ZBBX: variants seen among roughly 807,000 people sequenced by gnomAD.
The protein encoded by ZBBX is zinc finger B-box domain containing, also known as zinc finger B-box domain-containing protein 1.
A neutral mutation model predicts 108.5 loss-of-function variants in ZBBX; 101 were observed. The observed-to-expected ratio is 0.93, with a 90% CI of 0.79 to 1.10. The LOEUF (loss-of-function observed/expected upper bound fraction) is 1.10. Among genes scored for constraint, ZBBX ranks in the 50% least tolerant of loss-of-function variants. The pLI is 0.00. For missense variants in ZBBX, 1,009 were observed against 941.4 expected (o/e 1.07, Z -0.94); for synonymous variants, 356 against 323.4 (o/e 1.10, Z -1.08).
In ZBBX at chr3:167,377,023, T is replaced by C. The variant is rs116778016; in HGVS notation, c.-132+2615A>G. ...TATACTTCCTTGTGTCTTTTGGTCA[T>C]TCAGTTTTTTTTATAACTAAATACC... On this transcript the variant is annotated intron_variant, in intron 2 of 21. Transcript: ENST00000675490. Among the ~76,000 whole-genome samples the C allele has an allele frequency of 9.7e-3, 1,473 of 152,328 alleles. 16 individuals are homozygous for C. Among genetic ancestry groups the C allele is most frequent in the African/African-American group, 0.033 (1,360 of 41,570 alleles).
intron 9 of ZBBX, among the ~76,000 whole-genome samples, chr3:167,344,173 TAGAG>T (rs1307325389): frequency 6.6e-6 from 1 of 151,658 alleles, no homozygotes; most frequent in African/African-American, 2.4e-5. Context: ...TAGGCTAATC[TAGAG>T]AGAGAGAAAG....
In ZBBX at chr3:167,242,925, A is replaced by T. The variant is rs182073386; in HGVS notation, c.2255-282T>A. ...CCTGAGACCTCATAAAATTTCAAAA[A>T]AAAAATCAAATGACCCCCTTTAAAG... On this transcript the variant is annotated intron_variant, in intron 20 of 21. Transcript: ENST00000675490. 4.8e-3 allele frequency among the ~76,000 whole-genome samples: 737 copies of T among 152,142 alleles called. 5 individuals carry two copies. The highest frequency in any genetic ancestry group is 0.017 in the African/African-American group (716 of 41,500).
At chr3:167,272,946 A>G (rs748556812) in intron 20 of ZBBX, among the ~76,000 whole-genome samples, 4 of 152,304 alleles carry the variant, frequency 2.6e-5, no homozygotes, top group Non-Finnish European at 4.4e-5. Flanking sequence ...AGTGTAACCA[A>G]TGTAATCCCA....
At chr3:167,365,454 T>C (rs1745179348) in intron 6 of ZBBX, among the ~76,000 whole-genome samples, 1 of 151,666 alleles carries the variant, frequency 6.6e-6, no homozygotes, top group Non-Finnish European at 1.5e-5. Flanking sequence ...ACACATGGAA[T>C]CAACAGTATA....
chr3:167,335,223 T>C (rs1168881573), intron 9 of ZBBX, among the ~76,000 whole-genome samples: 2 of 152,106 alleles, frequency 1.3e-5, no homozygotes, highest in Non-Finnish European at 2.9e-5. Flanking sequence ...CTACAGTTTC[T>C]GGAAAAATAG....
intron 1 of ZBBX, among the ~76,000 whole-genome samples, chr3:167,398,711 T>C (rs1748327936): frequency 6.6e-6 from 1 of 152,104 alleles, no homozygotes; most frequent in Non-Finnish European, 1.5e-5. Context: ...ACATGTGTTA[T>C]ACCAGAAGTA....
chr3:167,195,108 A>G, the ZBBX span, among the ~76,000 whole-genome samples: 3 of 152,140 alleles, frequency 2.0e-5, no homozygotes, highest in Non-Finnish European at 4.4e-5. Flanking sequence ...CCCCAAGGAG[A>G]AAAATTTGTG....
At position 167,242,647 on chromosome 3, in the gene ZBBX, A is replaced by C. The variant is rs770069712; in HGVS notation, c.2255-4T>G. The C allele has an allele frequency of 3.1e-6, 5 of 1,608,796 alleles. No homozygotes were observed. The South Asian group carries it at 4.4e-5, about 14-fold the overall frequency. ...CTGTAAAGCTTTTCTGAAGTATCTG[A>C]AATATTTTATTTCATGCATTGTCAA... On this transcript the variant is annotated splice_polypyrimidine_tract_variant and splice_region_variant and intron_variant, in intron 20 of 21. Transcript: ENST00000675490.
intron 10 of ZBBX, among the ~76,000 whole-genome samples, chr3:167,329,753 G>A (rs1014211501): frequency 2.0e-5 from 3 of 152,166 alleles, no homozygotes; most frequent in African/African-American, 7.2e-5. Context: ...AGGGTAGAAA[G>A]GAAGCAGGGG....
At chr3:167,349,299 T>C (rs184046149) in intron 9 of ZBBX, among the ~76,000 whole-genome samples, 5 of 152,252 alleles carry the variant, frequency 3.3e-5, no homozygotes, top group Admixed American at 2.6e-4. Flanking sequence ...TTAAATTCTA[T>C]ATTATTCATA....
intron 20 of ZBBX, among the ~76,000 whole-genome samples, chr3:167,270,522 G>T (rs1291318645): frequency 6.6e-6 from 1 of 152,148 alleles, no homozygotes; most frequent in Non-Finnish European, 1.5e-5. Flanking sequence ...TTTTGTCAGT[G>T]TAAATAATGG....
chr3:167,286,342 A>G (rs1194185515), intron 19 of ZBBX, among the ~76,000 whole-genome samples: 1 of 152,100 alleles, frequency 6.6e-6, no homozygotes, highest in Non-Finnish European at 1.5e-5. Context: ...ACTTTTTTCT[A>G]CTTTCTATAG....
In ZBBX at chr3:167,269,786, T is replaced by A. The variant is rs184947026; in HGVS notation, c.2254+12452A>T. On this transcript the variant is annotated intron_variant, in intron 20 of 21. Coordinates refer to ENST00000675490, the MANE Select transcript of ZBBX (RefSeq NM_001199201.2). ...ACCAAATAGTACCAACTATTCACCC[T>A]GTTGTCCCTAACCCTTACACTATTC... 1.4e-4 allele frequency among the ~76,000 whole-genome samples: 22 copies of A among 152,328 alleles called. No individual in the cohort carries two copies. The Middle Eastern group carries it at 0.014, about 94-fold the overall frequency.
intron 20 of ZBBX, among the ~76,000 whole-genome samples, chr3:167,264,478 C>A (rs1280946802): frequency 1.3e-5 from 2 of 152,060 alleles, no homozygotes; most frequent in African/African-American, 2.4e-5. Context: ...CAAAGAAATG[C>A]ACAACATGAA....
intron 14 of ZBBX, among the ~76,000 whole-genome samples, chr3:167,316,751 GTCT>G (rs1274443071): frequency 1.3e-5 from 2 of 151,936 alleles, no homozygotes; most frequent in East Asian, 1.9e-4. Flanking sequence ...ATAGTGAAAT[GTCT>G]TCTTACCTCC....
the ZBBX span, among the ~76,000 whole-genome samples, chr3:167,203,839 T>G: frequency 6.6e-6 from 1 of 152,172 alleles, no homozygotes; most frequent in African/African-American, 2.4e-5. Flanking sequence ...CTCTAGTTGA[T>G]GCAAGGTTAT....
intron 20 of ZBBX, among the ~76,000 whole-genome samples, chr3:167,272,347 C>A (rs950311756): frequency 4.6e-5 from 7 of 152,204 alleles, no homozygotes; most frequent in African/African-American, 1.7e-4. Flanking sequence ...ACAGGCACCA[C>A]TCCTAGAGTT....
At chr3:167,253,681 G>A (rs569114691) in intron 20 of ZBBX, among the ~76,000 whole-genome samples, 1 of 152,150 alleles carries the variant, frequency 6.6e-6, no homozygotes, top group African/African-American at 2.4e-5. Context: ...GAGAATTTCA[G>A]GAAGAATTTA....
At chr3:167,278,396 A>T (rs1728089772) in intron 20 of ZBBX, among the ~76,000 whole-genome samples, 1 of 146,906 alleles carries the variant, frequency 6.8e-6, no homozygotes, top group African/African-American at 2.5e-5. Flanking sequence ...AAATAGACGC[A>T]ATAAAAAATG....
Sources: gnomAD v4.1 joint callset for allele counts (sites outside exome capture counted in the v4.1 genomes callset) on GRCh38, gnomAD v4.1.1 for gene constraint, MANE v1.5 for transcripts, NCBI Gene and HGNC (gene_info 2026-07-23, HGNC 2026-07-21) for gene names.